PCDHA7: variants seen among roughly 807,000 people sequenced by gnomAD.
PCDHA7 encodes protocadherin alpha-7.
PCDHA7 carries 37 observed loss-of-function variants against 57.2 expected under a neutral mutation model. That is an observed-to-expected ratio of 0.65 (90% CI 0.50 to 0.85). The LOEUF (loss-of-function observed/expected upper bound fraction) is 0.85, where lower values mean the gene tolerates loss of function less well. Ranked by LOEUF, PCDHA7 falls within the 40% of genes least tolerant of loss-of-function variation. The pLI, the probability that PCDHA7 is intolerant of heterozygous loss-of-function variation, is 0.00. For synonymous variants in PCDHA7, 553 were observed against 558.8 expected (o/e 0.99, Z 0.15); for missense variants, 1,188 against 1,241.8 (o/e 0.96, Z 0.65).
At chr5:140,883,080 A>T in intron 1 of PCDHA7, 1 of 1,614,140 alleles carries the variant, frequency 6.2e-7, no homozygotes, top group Non-Finnish European at 8.5e-7. Flanking sequence ...GATCCTGATG[A>T]TGGTACAAAT....
chr5:140,891,744 A>G (rs2063231419), intron 1 of PCDHA7, among the ~76,000 whole-genome samples: 1 of 152,070 alleles, frequency 6.6e-6, no homozygotes, highest in South Asian at 2.1e-4. Context: ...AATCCCTTAT[A>G]CAACAGTGTT....
At chr5:140,883,485 CATT>C in intron 1 of PCDHA7, 1 of 1,614,190 alleles carries the variant, frequency 6.2e-7, no homozygotes. Flanking sequence ...AACTACTACT[CATT>C]AGTGCTGGAC....
chr5:140,869,401 G>T, intron 1 of PCDHA7: 1 of 1,614,222 alleles, frequency 6.2e-7, no homozygotes, highest in South Asian at 1.1e-5. Flanking sequence ...CGGGCAGAGC[G>T]CGGAGTGCAG....
chr5:140,875,637 G>T, intron 1 of PCDHA7: 1 of 1,613,638 alleles, frequency 6.2e-7, no homozygotes, highest in Non-Finnish European at 8.5e-7. Flanking sequence ...TGGGGCTGGA[G>T]CTGGCGGAGC....
chr5:140,938,245 C>T (rs1008412260), intron 1 of PCDHA7, among the ~76,000 whole-genome samples: 1 of 152,168 alleles, frequency 6.6e-6, no homozygotes, highest in South Asian at 2.1e-4. Context: ...CATGCCTGGT[C>T]TTTTAAAAAC....
At chr5:140,884,158 G>T (rs376345503) in intron 1 of PCDHA7, 6 of 1,613,488 alleles carry the variant, frequency 3.7e-6, no homozygotes, top group Non-Finnish European at 5.1e-6. Context: ...ACACTGGCGA[G>T]ATCAGCACGA....
At chr5:140,923,275 C>CA (rs1328074482) in intron 1 of PCDHA7, among the ~76,000 whole-genome samples, 5 of 152,128 alleles carry the variant, frequency 3.3e-5, no homozygotes, top group African/African-American at 9.7e-5. Flanking sequence ...CTTGTCTCTA[C>CA]AAAAAATTAA....
chr5:140,896,432 G>C (rs2065542713), intron 1 of PCDHA7, among the ~76,000 whole-genome samples: 1 of 152,008 alleles, frequency 6.6e-6, no homozygotes, highest in African/African-American at 2.4e-5. Context: ...ATTCTGACTG[G>C]TGTGACTGCA....
intron 1 of PCDHA7, chr5:140,868,241 T>C (rs1042254119): frequency 2.0e-5 from 3 of 152,140 alleles, no homozygotes; most frequent in Non-Finnish European, 4.4e-5. Flanking sequence ...TCTAGATCAA[T>C]AGACTTTTCC....
intron 1 of PCDHA7, chr5:140,849,467 T>A: frequency 1.3e-6 from 2 of 1,589,378 alleles, no homozygotes; most frequent in South Asian, 2.2e-5. Context: ...AGGCTGTCGA[T>A]AAAGGCTTCC....
intron 3 of PCDHA7, among the ~76,000 whole-genome samples, chr5:140,993,092 G>A (rs1441562927): frequency 6.6e-6 from 1 of 152,222 alleles, no homozygotes; most frequent in East Asian, 1.9e-4. Flanking sequence ...GCAGGGCTAT[G>A]TTTATTCAGC....
chr5:140,999,295 T>G (rs1554256739), intron 3 of PCDHA7, among the ~76,000 whole-genome samples: 1 of 152,238 alleles, frequency 6.6e-6, no homozygotes, highest in Non-Finnish European at 1.5e-5. Context: ...ATTCTTTATT[T>G]CAGAATTTCT....
intron 3 of PCDHA7, among the ~76,000 whole-genome samples, chr5:140,995,470 T>C (rs543327839): frequency 5.6e-4 from 86 of 152,360 alleles, no homozygotes; most frequent in Middle Eastern, 3.4e-3. Flanking sequence ...TTGAAATTTT[T>C]CATTTAATAT....
Position 140,932,015 on chromosome 5 carries a change from C to T in PCDHA7, c.2356-46934C>T, listed in dbSNP as rs150185692. Reference sequence around the variant, plus strand: ...TTCTAAGTTCTTTCATTTTAGTTTACGGTAAGTTTACAGTATATATTAACA... The same window carrying T: ...TTCTAAGTTCTTTCATTTTAGTTTATGGTAAGTTTACAGTATATATTAACA... On this transcript the variant is annotated intron_variant, in intron 1 of 3. Coordinates refer to ENST00000525929, the MANE Select transcript of PCDHA7 (RefSeq NM_018910.3). Among the ~76,000 whole-genome samples, 8 of 151,784 alleles carry T rather than the reference C, an allele frequency of 5.3e-5. No homozygotes were observed. The East Asian group carries it at 5.8e-4, about 11-fold the overall frequency.
Position 140,835,560 on chromosome 5 carries a change from G to A in PCDHA7, c.1177G>A (p.Val393Ile). Reference protein sequence around the residue: ...GQVTCSLTPRVPFKLVSTFKN... With the variant: ...GQVTCSLTPRIPFKLVSTFKN... ...GGTTACCTGCTCCCTGACGCCCCGC[G>A]TTCCCTTCAAGTTGGTGTCCACCTT... The change falls in exon 1 of 4, where the codon GTT becomes ATT. Residue 393 changes from valine (V) to isoleucine (I), a missense_variant. Val to Ile is a conservative substitution (Grantham distance 29). Around this residue, in one of 3 missense-constraint regions of PCDHA7, gnomAD observed 892 missense variants for 788.5 expected, o/e 1.13. Transcript: ENST00000525929. 1.9e-6 allele frequency: 3 copies of A among 1,613,902 alleles called. No homozygotes were observed. Among genetic ancestry groups the A allele is most frequent in the Non-Finnish European group, 2.5e-6 (3 of 1,179,874 alleles).
chr5:140,869,918 G>A, intron 1 of PCDHA7: 1 of 1,611,272 alleles, frequency 6.2e-7, no homozygotes. Context: ...CGAGACGAAG[G>A]AGTCAATGGA....
At chr5:140,917,519 T>C (rs1554198226) in intron 1 of PCDHA7, among the ~76,000 whole-genome samples, 1 of 152,256 alleles carries the variant, frequency 6.6e-6, no homozygotes, top group East Asian at 1.9e-4. Context: ...GGTTTTATTC[T>C]ACGGTTTGTA....
intron 1 of PCDHA7, chr5:140,870,745 G>C (rs369212308): frequency 1.9e-6 from 3 of 1,613,530 alleles, no homozygotes; most frequent in Non-Finnish European, 2.5e-6. Context: ...GAGCAGCAAC[G>C]TGACGCTGCA....
At chr5:140,877,540 G>A (rs1044322759) in intron 1 of PCDHA7, 2 of 1,613,770 alleles carry the variant, frequency 1.2e-6, no homozygotes, top group East Asian at 2.2e-5. Flanking sequence ...TGTGGATCCC[G>A]AAGCGGCTCT....
Sources: allele counts gnomAD v4.1 joint callset (sites outside exome capture counted in the v4.1 genomes callset), GRCh38; gene constraint gnomAD v4.1.1; regional missense constraint gnomAD v4.1.1; transcripts MANE v1.5; gene names NCBI Gene and HGNC (gene_info 2026-07-23, HGNC 2026-07-21).